The following MED21 variants were observed in gnomAD, a reference collection of about 807,000 sequenced individuals.
The protein encoded by MED21 is mediator complex subunit 21.
MED21 carries 9 observed loss-of-function variants against 18.2 expected under a neutral mutation model. The observed-to-expected ratio is 0.49, with a 90% CI of 0.30 to 0.86. The LOEUF (loss-of-function observed/expected upper bound fraction) is 0.86. Among genes scored for constraint, MED21 ranks in the 40% least tolerant of loss-of-function variants. The pLI is 0.07. For missense variants in MED21, 150 were observed against 170.9 expected, an observed-to-expected ratio of 0.88 and a Z score of 0.68; for synonymous variants, 73 against 60.5, an observed-to-expected ratio of 1.21 and a Z score of -0.96.
At chr12:27,024,712 A>G (rs2136483009) in intron 1 of MED21, among the ~76,000 whole-genome samples, 2 of 152,344 alleles carry the variant, frequency 1.3e-5, no homozygotes, top group Admixed American at 1.3e-4. Flanking sequence ...GATAACTAGT[A>G]TGAGTGCCTA....
Position 27,028,622 on chromosome 12 carries a change from G to T in MED21, c.*161G>T. ...TTAATAGTCTTCTATTTTCACTCTT[G>T]ATAAGCTTATAAAATCATGATTGAA... On this transcript the variant is annotated 3_prime_UTR_variant, in exon 4 of 4. Coordinates refer to ENST00000282892, the MANE Select transcript of MED21 (RefSeq NM_004264.5). 7.7e-7 allele frequency: 1 copy of T among 1,292,904 alleles called. No individual in the cohort carries two copies. Among genetic ancestry groups the T allele is most frequent in the Non-Finnish European group, 9.8e-7 (1 of 1,017,226 alleles). 80.1% of individuals were successfully genotyped at this position (1,292,904 alleles called of 1,614,324 possible). A position where few individuals can be genotyped will look rare whatever the true frequency, so the allele number is the denominator to read the frequency against.
chr12:27,028,150 T>C, intron 3 of MED21, 135 bp from the exon 4 acceptor site: 1 of 1,135,932 alleles, frequency 8.8e-7, no homozygotes, highest in Non-Finnish European at 1.2e-6. Flanking sequence ...TCTTAAAAGT[T>C]GTCTGATTTT....
downstream of MED21, among the ~76,000 whole-genome samples, chr12:27,034,814 G>C (rs911877922): frequency 1.3e-5 from 2 of 152,018 alleles, no homozygotes; most frequent in African/African-American, 4.8e-5. Flanking sequence ...GCGGTGGCGT[G>C]ATCTCGGCTC....
intron 2 of MED21, chr12:27,038,521 G>C (rs983225968): frequency 6.6e-6 from 1 of 152,140 alleles, no homozygotes; most frequent in Non-Finnish European, 1.5e-5. Context: ...TTCCAATTGG[G>C]ATTTCTGTGG....
chr12:27,033,784 G>A (rs1173489733), downstream of MED21, among the ~76,000 whole-genome samples: 5 of 152,212 alleles, frequency 3.3e-5, no homozygotes, highest in Non-Finnish European at 7.3e-5. Context: ...AAAGATTAGA[G>A]CATAATTCAG....
At chr12:27,023,701 C>G (rs1941507159) in intron 1 of MED21, among the ~76,000 whole-genome samples, 1 of 152,178 alleles carries the variant, frequency 6.6e-6, no homozygotes, top group African/African-American at 2.4e-5. Context: ...TTCCTCCACA[C>G]TATGCCTGAG....
downstream of MED21, among the ~76,000 whole-genome samples, chr12:27,030,970 C>T (rs751079858): frequency 1.3e-5 from 2 of 152,294 alleles, no homozygotes; most frequent in South Asian, 2.1e-4. Context: ...TGCAATGGCA[C>T]GATCTTGGCT....
In MED21 at chr12:27,022,628, A is replaced by G. The variant is rs369494261; in HGVS notation, c.42+7A>G. ...TCAGGACGCTGTGAATTCGGTGAGG[A>G]ATTTCATTCGATTAGCCTCTGTCTT... On this transcript the variant is annotated splice_region_variant and intron_variant, in intron 1 of 3. Transcript: ENST00000282892. 1 of 1,595,768 alleles carries G rather than the reference A, an allele frequency of 6.3e-7. No individual in the cohort carries two copies. The highest frequency in any genetic ancestry group is 2.3e-5 in the East Asian group (1 of 44,386).
At position 27,026,402 on chromosome 12, in the gene MED21, T is replaced by C. The variant is rs1941545017; in HGVS notation, c.43-18T>C. The C allele has an allele frequency of 6.5e-6, 10 of 1,543,600 alleles. No individual in the cohort carries two copies. The highest frequency in any genetic ancestry group is 8.0e-6 in the Non-Finnish European group (9 of 1,118,782). On this transcript the variant is annotated intron_variant, in intron 1 of 3. Coordinates refer to ENST00000282892, the MANE Select transcript of MED21 (RefSeq NM_004264.5). Reference sequence around the variant, plus strand: ...TGATAAGTCCTTTCTAACCTTGATATGTTTTCTTTGGCCTAAGCTTGCAGA... The same window carrying C: ...TGATAAGTCCTTTCTAACCTTGATACGTTTTCTTTGGCCTAAGCTTGCAGA...
chr12:27,022,739 G>A (rs370587693), intron 1 of MED21, 118 bp downstream of exon 1: 1 of 1,578,404 alleles, frequency 6.3e-7, no homozygotes, highest in African/African-American at 1.3e-5. Flanking sequence ...ACAGGGCTTC[G>A]GCATAAAGCG....
At chr12:27,023,753 C>G (rs1391926460) in intron 1 of MED21, among the ~76,000 whole-genome samples, 1 of 152,070 alleles carries the variant, frequency 6.6e-6, no homozygotes, top group Non-Finnish European at 1.5e-5. Flanking sequence ...AGTCATGGGC[C>G]CCTAATGAAG....
intron 1 of MED21, among the ~76,000 whole-genome samples, chr12:27,024,307 CACTGTAAGCTA>C (rs929450496): frequency 2.0e-5 from 3 of 150,822 alleles, no homozygotes; most frequent in African/African-American, 7.3e-5. Flanking sequence ...TTTTTTTCCT[CACTGTAAGCTA>C]ATAACTTGGC....
rs773331630 is a variant in MED21, at chr12:27,029,646, G to A, written c.*1185G>A. 3.0e-5 allele frequency: 30 copies of A among 985,318 alleles called. No homozygotes were observed. The highest frequency in any genetic ancestry group is 3.5e-5 in the Non-Finnish European group (29 of 829,930). The allele number at this position is 985,318 out of a possible 1,614,324, so 61.0% of individuals were successfully genotyped here. A position where few individuals can be genotyped will look rare whatever the true frequency, so the allele number is the denominator to read the frequency against. ...TATGTTTCAAATTTCAGGAACACCAGCGTTAGCTGTAAAAGTTGCAGCAAT... is the reference window on the plus strand; with the variant it reads ...TATGTTTCAAATTTCAGGAACACCAACGTTAGCTGTAAAAGTTGCAGCAAT... On this transcript the variant is annotated 3_prime_UTR_variant, in exon 4 of 4. Transcript: ENST00000282892.
chr12:27,036,423 G>A (rs899899516), intron 2 of MED21, among the ~76,000 whole-genome samples: 1 of 152,178 alleles, frequency 6.6e-6, no homozygotes, highest in African/African-American at 2.4e-5. Flanking sequence ...CTTTTGCTGT[G>A]CAGAAGCTCT....
chr12:27,026,339 CTTA>C (rs1248206451), intron 1 of MED21, 78 bp from the exon 2 acceptor site: 3 of 788,962 alleles, frequency 3.8e-6, no homozygotes, highest in Non-Finnish European at 4.3e-6. Flanking sequence ...ATTACAGAAA[CTTA>C]TTGTTGTTGC....
intron 1 of MED21, among the ~76,000 whole-genome samples, chr12:27,023,983 G>T (rs138404921): frequency 3.3e-5 from 5 of 152,294 alleles, no homozygotes; most frequent in African/African-American, 1.2e-4. Flanking sequence ...ATCACCACAA[G>T]CACTAAGGAA....
At chr12:27,030,876 C>T (rs190380057), downstream of MED21, 2 of 152,340 alleles carry the variant, frequency 1.3e-5, no homozygotes, top group Admixed American at 1.3e-4. Context: ...GCCTTAACTA[C>T]ATCCTAACTC....
At chr12:27,027,477 C>A in intron 3 of MED21, 30 bp downstream of exon 3, 3 of 1,521,000 alleles carry the variant, frequency 2.0e-6, no homozygotes, top group Non-Finnish European at 2.7e-6. Context: ...AGAATTTTAC[C>A]AGTAATAGAG....
At chr12:27,024,703 A>G (rs557182222) in intron 1 of MED21, among the ~76,000 whole-genome samples, 1 of 152,224 alleles carries the variant, frequency 6.6e-6, no homozygotes, top group Admixed American at 6.5e-5. Flanking sequence ...AGCCTTTAGG[A>G]TAACTAGTAT....
Sources: gnomAD v4.1 joint callset for allele counts (sites outside exome capture counted in the v4.1 genomes callset) on GRCh38, gnomAD v4.1.1 for gene constraint, MANE v1.5 for transcripts, NCBI Gene and HGNC (gene_info 2026-07-23, HGNC 2026-07-21) for gene names.